Variants in STPG4 observed in about 807,000 individuals in gnomAD.
The protein encoded by STPG4 is sperm-tail PG-rich repeat containing 4.
Under a neutral mutation model 31.5 loss-of-function variants are expected in STPG4, and 41 were observed. The ratio of observed to expected loss-of-function variants is 1.30; its 90% confidence interval spans 1.01 to 1.69. The LOEUF (loss-of-function observed/expected upper bound fraction) is 1.69. Among genes scored for constraint, STPG4 ranks in the 40% most tolerant of loss-of-function variants. STPG4 has a pLI of 0.00. For synonymous variants in STPG4, 141 were observed against 103.0 expected (o/e 1.37, Z -2.24); for missense variants, 375 against 293.4 (o/e 1.28, Z -2.03).
At chr2:47,128,939 T>C (rs925193105) in intron 5 of STPG4, 2 of 152,362 alleles carry the variant, frequency 1.3e-5, no homozygotes, top group African/African-American at 4.8e-5. Context: ...GCAGTGAGTG[T>C]TGTCTGGCCA....
chr2:47,143,740 G>A (rs950045985), intron 3 of STPG4, among the ~76,000 whole-genome samples: 6 of 151,848 alleles, frequency 4.0e-5, no homozygotes, highest in Non-Finnish European at 7.4e-5. Flanking sequence ...CGCCTGCCTC[G>A]GCCTCCCAAA....
intron 5 of STPG4, among the ~76,000 whole-genome samples, chr2:47,101,903 C>G (rs1257359880): frequency 6.6e-6 from 1 of 151,742 alleles, no homozygotes; most frequent in Non-Finnish European, 1.5e-5. Context: ...CCAACACTAA[C>G]AGGAGAATGC....
chr2:47,149,152 A>G lies in STPG4; in HGVS notation c.399+2106T>C, dbSNP rs138907346. ...AATTAGAAAAACACTGAATTTTTCC[A>G]GTTTCTAGAGTTTAATCCTTTGTGG... is the stretch of plus-strand genomic sequence containing the variant. On this transcript the variant is annotated intron_variant, in intron 3 of 6. Coordinates refer to ENST00000445927, the MANE Select transcript of STPG4 (RefSeq NM_001163561.2). Among the ~76,000 whole-genome samples, 169 of 152,316 alleles carry G rather than the reference A, an allele frequency of 1.1e-3. 1 individual carries two copies. Among genetic ancestry groups the G allele is most frequent in the African/African-American group, 4.0e-3 (165 of 41,580 alleles).
At chr2:47,106,699 G>A (rs949260884) in intron 5 of STPG4, among the ~76,000 whole-genome samples, 3 of 152,006 alleles carry the variant, frequency 2.0e-5, no homozygotes, top group Middle Eastern at 3.4e-3. Context: ...ACAGGAAAAC[G>A]CTTCTGAAAT....
intron 6 of STPG4, among the ~76,000 whole-genome samples, chr2:47,089,935 G>GCACACA (rs1304502886): frequency 1.3e-5 from 2 of 152,188 alleles, no homozygotes; most frequent in Non-Finnish European, 1.5e-5. Flanking sequence ...ATTCTGGCTG[G>GCACACA]CAGGAGGCAG....
chr2:47,131,829 G>A (rs567403104), intron 3 of STPG4, among the ~76,000 whole-genome samples: 59 of 152,178 alleles, frequency 3.9e-4, no homozygotes, highest in Non-Finnish European at 7.8e-4. Flanking sequence ...TTGCCCCTGG[G>A]TCTAGGGACA....
intron 5 of STPG4, among the ~76,000 whole-genome samples, chr2:47,116,852 C>G (rs1444866514): frequency 6.6e-6 from 1 of 151,898 alleles, no homozygotes; most frequent in Non-Finnish European, 1.5e-5. Flanking sequence ...TGGTATATGT[C>G]AACTCTTGGG....
chr2:47,152,412 C>A (rs1357663585), intron 2 of STPG4, among the ~76,000 whole-genome samples: 1 of 152,218 alleles, frequency 6.6e-6, no homozygotes, highest in Admixed American at 6.5e-5. Flanking sequence ...TCAGTTCTGC[C>A]TTTAAAATTA....
At chr2:47,151,919 GTTT>G (rs71245620) in intron 2 of STPG4, among the ~76,000 whole-genome samples, 4,567 of 74,708 alleles carry the variant, frequency 0.061, 94 homozygotes, top group Non-Finnish European at 0.12. Flanking sequence ...TTTTTGTTTT[GTTT>G]TTTTTTTTTT....
chr2:47,130,088 A>T (rs1686445700), intron 4 of STPG4, 93 bp from the exon 5 acceptor site: 43 of 1,482,594 alleles, frequency 2.9e-5, no homozygotes, highest in Non-Finnish European at 2.5e-5. Context: ...TAAATATTTT[A>T]AAATGTTAAT....
At chr2:47,090,184 A>T (rs1264195322) in intron 6 of STPG4, 86 bp downstream of exon 6, 1 of 863,842 alleles carries the variant, frequency 1.2e-6, no homozygotes, top group Non-Finnish European at 1.9e-6. Flanking sequence ...ACCACCCCGC[A>T]CCTCCTACAC....
At chr2:47,130,067 C>A in intron 4 of STPG4, 72 bp from the exon 5 acceptor site, 1 of 1,480,174 alleles carries the variant, frequency 6.8e-7, no homozygotes, top group South Asian at 1.2e-5. Context: ...AACTTATTCC[C>A]TACCTTTCAT....
chr2:47,096,630 A>ACTG (rs970252391), intron 5 of STPG4, among the ~76,000 whole-genome samples: 5 of 152,212 alleles, frequency 3.3e-5, no homozygotes, highest in African/African-American at 9.7e-5. Flanking sequence ...GGGGTTAGGG[A>ACTG]CTGCTGCTGG....
chr2:47,107,317 C>T (rs575524171), intron 5 of STPG4, among the ~76,000 whole-genome samples: 20 of 152,260 alleles, frequency 1.3e-4, no homozygotes, highest in African/African-American at 4.3e-4. Flanking sequence ...GCGCGTGGTG[C>T]TTGCGGGCCA....
At chr2:47,135,598 G>C (rs1023284543) in intron 3 of STPG4, among the ~76,000 whole-genome samples, 14 of 152,034 alleles carry the variant, frequency 9.2e-5, no homozygotes, top group African/African-American at 3.4e-4. Context: ...TATTGGCCAG[G>C]CTGGTCTTGA....
At chr2:47,108,741 C>T (rs1282164738) in intron 5 of STPG4, 2 of 152,494 alleles carry the variant, frequency 1.3e-5, no homozygotes, top group African/African-American at 4.8e-5. Context: ...TAGGGCAGAG[C>T]ACCTCACACC....
chr2:47,136,444 A>C (rs1686599246), intron 3 of STPG4, among the ~76,000 whole-genome samples: 1 of 152,168 alleles, frequency 6.6e-6, no homozygotes, highest in South Asian at 2.1e-4. Flanking sequence ...CACCACGCCC[A>C]GCCAAGTTCT....
intron 3 of STPG4, among the ~76,000 whole-genome samples, chr2:47,145,545 C>A (rs374729413): frequency 2.0e-5 from 3 of 152,320 alleles, no homozygotes; most frequent in African/African-American, 7.2e-5. Flanking sequence ...GAAGCCAAAG[C>A]AAACCTTAGG....
At chr2:47,127,588 T>C (rs771163544) in intron 5 of STPG4, among the ~76,000 whole-genome samples, 7 of 152,188 alleles carry the variant, frequency 4.6e-5, no homozygotes, top group African/African-American at 7.2e-5. Flanking sequence ...AAATTCTTTC[T>C]TCTGTTTGAT....
Sources: allele counts gnomAD v4.1 joint callset (sites outside exome capture counted in the v4.1 genomes callset), GRCh38; gene constraint gnomAD v4.1.1; transcripts MANE v1.5; gene names NCBI Gene and HGNC (gene_info 2026-07-23, HGNC 2026-07-21).